The following EIF2A variants were observed in gnomAD, a reference collection of about 807,000 sequenced individuals.
The protein encoded by EIF2A is eukaryotic translation initiation factor 2A.
Under a neutral mutation model 75.2 loss-of-function variants are expected in EIF2A, and 62 were observed. The ratio of observed to expected loss-of-function variants is 0.82; its 90% CI spans 0.67 to 1.02. The LOEUF is 1.02. EIF2A is among the 50% of genes least tolerant of loss of function. The pLI, the probability that EIF2A is intolerant of heterozygous loss-of-function variation, is 0.00. For synonymous variants in EIF2A, 207 were observed against 239.0 expected, an observed-to-expected ratio of 0.87 and a Z score of 1.23; for missense variants, 611 against 677.7, an observed-to-expected ratio of 0.90 and a Z score of 1.09.
chr3:150,572,999 T>G (rs1348972879), intron 10 of EIF2A, among the ~76,000 whole-genome samples: 1 of 152,182 alleles, frequency 6.6e-6, no homozygotes, highest in African/African-American at 2.4e-5. Context: ...ACATGATATT[T>G]ATTTGTATTT....
chr3:150,571,020 C>T (rs1398506335), intron 9 of EIF2A, among the ~76,000 whole-genome samples: 3 of 151,694 alleles, frequency 2.0e-5, no homozygotes, highest in Admixed American at 6.6e-5. Context: ...GAGCCGAGAC[C>T]GTGCCACTAA....
intron 3 of EIF2A, among the ~76,000 whole-genome samples, chr3:150,559,258 AC>A (rs1278033061): frequency 6.6e-6 from 1 of 152,238 alleles, no homozygotes; most frequent in African/African-American, 2.4e-5. Context: ...TTAAAAATTG[AC>A]TACTAAAGAG....
intron 3 of EIF2A, 105 bp from the exon 4 acceptor site, chr3:150,562,437 A>G: frequency 1.2e-6 from 1 of 863,966 alleles, no homozygotes; most frequent in South Asian, 1.7e-5. Flanking sequence ...AAAAAAGTCA[A>G]CATTTTGGAG....
intron 3 of EIF2A, 63 bp from the exon 4 acceptor site, chr3:150,562,479 T>C (rs1317598002): frequency 1.6e-6 from 2 of 1,241,802 alleles, no homozygotes; most frequent in Non-Finnish European, 1.1e-6. Context: ...TATGAATGTT[T>C]TGGTTAGTGT....
chr3:150,569,172 T>C (rs1305464295), intron 9 of EIF2A, among the ~76,000 whole-genome samples: 1 of 152,152 alleles, frequency 6.6e-6, no homozygotes, highest in Non-Finnish European at 1.5e-5. Flanking sequence ...AAGTAAAATA[T>C]ATACAGTTTT....
rs958627197 is a variant in EIF2A at position 150,569,979 on chromosome 3, G to A, written c.811+1687G>A. The stretch of plus-strand genomic sequence containing the variant: ...AGTCAGCATTTGAATCAATGGAGGA[G>A]AAAATATTGATCATTTAATATGTGG... On this transcript the variant is annotated intron_variant, in intron 9 of 13. Coordinates refer to ENST00000460851, the MANE Select transcript of EIF2A (RefSeq NM_032025.5). 2.6e-5 allele frequency among the ~76,000 whole-genome samples: 4 copies of A among 152,162 alleles called. No individual in the cohort carries two copies. In the East Asian group the frequency reaches 7.7e-4, roughly 29 times the overall value.
chr3:150,562,346 G>A lies in EIF2A; in HGVS notation c.174-196G>A, dbSNP rs558113814. On this transcript the variant is annotated intron_variant, in intron 3 of 13. Coordinates refer to ENST00000460851, the MANE Select transcript of EIF2A (RefSeq NM_032025.5). Reference sequence around the variant, plus strand: ...CTGAGGCAGGAGAATGGCATGAACCGGGGAGGTGGAGCTTGCAGTGAGCCG... The same window carrying A: ...CTGAGGCAGGAGAATGGCATGAACCAGGGAGGTGGAGCTTGCAGTGAGCCG... Among the ~76,000 whole-genome samples the A allele has an allele frequency of 3.7e-3, 566 of 151,762 alleles. 8 individuals are homozygous for A. The highest frequency in any genetic ancestry group is 5.8e-3 in the Non-Finnish European group (395 of 67,908).
chr3:150,562,733 G>C, intron 4 of EIF2A, 73 bp downstream of exon 4: 4 of 1,093,066 alleles, frequency 3.7e-6, no homozygotes, highest in Non-Finnish European at 5.4e-6. Context: ...AAGTTATAAA[G>C]TTTATAACCT....
rs969990387 is a variant in EIF2A, at chr3:150,585,522, C to A, written c.*1611C>A. ...GCAACAAGAGTGAAACCGTCTCACA[C>A]ACACACAAAAAAAAATATTTTGGAG... is the stretch of plus-strand genomic sequence containing the variant. On this transcript the variant is annotated 3_prime_UTR_variant, in exon 14 of 14. Coordinates refer to ENST00000460851, the MANE Select transcript of EIF2A (RefSeq NM_032025.5). The A allele has an allele frequency of 1.9e-4, 13 of 67,880 alleles. No homozygotes were observed. Among genetic ancestry groups the A allele is most frequent in the African/African-American group, 5.2e-4 (12 of 23,004 alleles). 4.2% of individuals were successfully genotyped at this position (67,880 alleles called of 1,614,324 possible). A position where few individuals can be genotyped will look rare whatever the true frequency, so the allele number is the denominator to read the frequency against.
chr3:150,555,703 GTATGGCAAAACCCCATATC>G (rs1723525934), intron 2 of EIF2A, among the ~76,000 whole-genome samples: 1 of 151,868 alleles, frequency 6.6e-6, no homozygotes, highest in Non-Finnish European at 1.5e-5. Context: ...AGCCTGGGCA[GTATGGCAAAACCCCATATC>G]TATTTAAAAA....
chr3:150,563,433 A>G (rs1402983806), intron 4 of EIF2A, 82 bp from the exon 5 acceptor site: 2 of 1,062,716 alleles, frequency 1.9e-6, no homozygotes, highest in South Asian at 1.5e-5. Context: ...ATAGTAATCC[A>G]TATCAAACTT....
Position 150,568,346 on chromosome 3 carries a change from T to C in EIF2A, c.811+54T>C, listed in dbSNP as rs1014011174. Reference sequence around the variant, plus strand: ...TAGAAACAATGATAGTAAAAAATACTATGCCATAAAGATGATATAATCTAA... The same window carrying C: ...TAGAAACAATGATAGTAAAAAATACCATGCCATAAAGATGATATAATCTAA... On this transcript the variant is annotated intron_variant, in intron 9 of 13. Coordinates refer to ENST00000460851, the MANE Select transcript of EIF2A (RefSeq NM_032025.5). 19 of 1,361,322 alleles carry C rather than the reference T, an allele frequency of 1.4e-5. No homozygotes were observed. In the Admixed American group the frequency reaches 3.3e-4, roughly 23 times the overall value. The allele number at this position is 1,361,322 out of a possible 1,614,324, so 84.3% of individuals were successfully genotyped here.
intron 10 of EIF2A, among the ~76,000 whole-genome samples, chr3:150,573,364 T>TCA (rs1267091102): frequency 6.6e-6 from 1 of 152,210 alleles, no homozygotes; most frequent in African/African-American, 2.4e-5. Flanking sequence ...GCAATTCTCC[T>TCA]GCCTCAGCCT....
At chr3:150,549,943 C>T (rs1176762544) in intron 1 of EIF2A, among the ~76,000 whole-genome samples, 1 of 152,062 alleles carries the variant, frequency 6.6e-6, no homozygotes, top group African/African-American at 2.4e-5. Context: ...GGAAAAGTAT[C>T]GTATTTTAAA....
intron 9 of EIF2A, 53 bp downstream of exon 9, chr3:150,568,345 C>T (rs1724307309): frequency 7.3e-7 from 1 of 1,367,366 alleles, no homozygotes; most frequent in South Asian, 1.3e-5. Flanking sequence ...GTAAAAAATA[C>T]TATGCCATAA....
chr3:150,575,331 A>C (rs552931012), intron 10 of EIF2A, among the ~76,000 whole-genome samples: 2 of 152,198 alleles, frequency 1.3e-5, no homozygotes, highest in Non-Finnish European at 2.9e-5. Flanking sequence ...GCCTCAGAAG[A>C]AGCTGTTGTT....
intron 12 of EIF2A, 105 bp from the exon 13 acceptor site, chr3:150,583,095 C>G: frequency 1.1e-6 from 1 of 947,674 alleles, no homozygotes; most frequent in East Asian, 2.7e-5. Flanking sequence ...TGATACAAAT[C>G]TAAGATAATT....
At chr3:150,565,146 C>A (rs1186619582) in intron 6 of EIF2A, 1 of 452,900 alleles carries the variant, frequency 2.2e-6, no homozygotes, top group South Asian at 1.6e-5. Flanking sequence ...TTTTGTATCC[C>A]ATGGTATAAT....
At chr3:150,566,620 T>C (rs1261254763) in intron 6 of EIF2A, 1 of 152,216 alleles carries the variant, frequency 6.6e-6, no homozygotes, top group African/African-American at 2.4e-5. Flanking sequence ...ACTTCTATCT[T>C]ATTTGTATTG....
Sources: gnomAD v4.1 joint callset for allele counts (sites outside exome capture counted in the v4.1 genomes callset) on GRCh38, gnomAD v4.1.1 for gene constraint, MANE v1.5 for transcripts, NCBI Gene and HGNC (gene_info 2026-07-23, HGNC 2026-07-21) for gene names.